The following ATP8B2 variants were observed in gnomAD, a reference collection of about 807,000 sequenced individuals.
The protein encoded by ATP8B2 is phospholipid-transporting ATPase ID.
Under a neutral mutation model 133.4 loss-of-function variants are expected in ATP8B2, and 70 were observed. The ratio of observed to expected loss-of-function variants is 0.52; its 90% CI spans 0.43 to 0.64. The LOEUF (loss-of-function observed/expected upper bound fraction) is 0.64. Ranked by LOEUF, ATP8B2 falls within the 30% of genes least tolerant of loss-of-function variation. ATP8B2 has a pLI of 0.00. For synonymous variants in ATP8B2, 517 were observed against 589.5 expected, an observed-to-expected ratio of 0.88 and a Z score of 1.78; for missense variants, 1,101 against 1,535.7, an observed-to-expected ratio of 0.72 and a Z score of 4.73.
intron 12 of ATP8B2, among the ~76,000 whole-genome samples, chr1:154,339,994 C>T (rs1188145309): frequency 6.6e-6 from 1 of 152,070 alleles, no homozygotes; most frequent in African/African-American, 2.4e-5. Flanking sequence ...CCAGTGTGGG[C>T]AACACAGCGA....
At chr1:154,326,027 C>T (rs1685779065) in intron 1 of ATP8B2, among the ~76,000 whole-genome samples, 1 of 152,058 alleles carries the variant, frequency 6.6e-6, no homozygotes, top group Non-Finnish European at 1.5e-5. Flanking sequence ...CAGGGGAGAC[C>T]CGCCCAGAGA....
rs748296940 is a variant in ATP8B2 at position 154,348,886 on chromosome 1, G to A, written c.3341G>A (p.Arg1114His). The change falls in exon 28 of 28, where the codon CGC becomes CAC. Residue 1114 changes from arginine to histidine, a missense_variant. By Grantham distance (29) the Arg-to-His change is conservative. Coordinates refer to ENST00000368489, the MANE Select transcript of ATP8B2 (RefSeq NM_001370597.1). ...LVRKKQKAQHRCMRRVGRTGS... is the reference protein window; with the variant it reads ...LVRKKQKAQHHCMRRVGRTGS... ...AGGAAGAAGCAGAAGGCCCAGCACCGCTGCATGCGGCGGGTTGGCCGCACT... is the reference window on the plus strand; with the variant it reads ...AGGAAGAAGCAGAAGGCCCAGCACCACTGCATGCGGCGGGTTGGCCGCACT... 3.9e-5 allele frequency: 63 copies of A among 1,613,256 alleles called. No individual in the cohort carries two copies. In the Admixed American group the frequency reaches 8.0e-4, roughly 21 times the overall value.
chr1:154,334,171 G>A lies in ATP8B2; in HGVS notation c.654G>A (p.Lys218=), dbSNP rs1056838477. 6.2e-7 allele frequency: 1 copy of A among 1,614,196 alleles called. No individual in the cohort carries two copies. Among genetic ancestry groups the A allele is most frequent in the African/African-American group, 1.3e-5 (1 of 75,046 alleles). Residue 218 remains lysine (K), a synonymous_variant, in exon 10 of 28, where the codon AAG becomes AAA. Transcript: ENST00000368489. The surrounding 1 kb of genome is among the most constrained non-coding windows in gnomAD (Gnocchi z 4.6). ...AATTCAGCGGAACCCTCTACTGGAAGGAAAATAAGTTCCCTCTGAGCAACC... is the reference window on the plus strand; with the variant it reads ...AATTCAGCGGAACCCTCTACTGGAAAGAAAATAAGTTCCCTCTGAGCAACC... The part of the protein sequence containing the change: ...LDKFSGTLYW[K]ENKFPLSNQN...
chr1:154,339,794 G>A (rs190459252), intron 12 of ATP8B2, among the ~76,000 whole-genome samples: 75 of 152,290 alleles, frequency 4.9e-4, no homozygotes, highest in Non-Finnish European at 8.7e-4. Flanking sequence ...CCCATTGCTC[G>A]GCTGCACTGG....
intron 26 of ATP8B2, 49 bp from the exon 27 acceptor site, chr1:154,348,359 A>T: frequency 1.3e-6 from 2 of 1,559,262 alleles, no homozygotes; most frequent in East Asian, 4.6e-5. Flanking sequence ...GGGAACGGGG[A>T]ATGTCTGCCT....
intron 13 of ATP8B2, among the ~76,000 whole-genome samples, chr1:154,341,949 C>CT (rs1468564519): frequency 6.6e-6 from 1 of 152,150 alleles, no homozygotes; most frequent in Non-Finnish European, 1.5e-5. Flanking sequence ...CTGCTAGACT[C>CT]TCCCCTGTTG....
In ATP8B2 at chr1:154,331,181, C is replaced by T. The variant is rs937648033; in HGVS notation, c.303+35C>T. The T allele has an allele frequency of 2.3e-5, 37 of 1,579,614 alleles. No homozygotes were observed. Among genetic ancestry groups the T allele is most frequent in the Non-Finnish European group, 3.0e-5 (35 of 1,150,640 alleles). On this transcript the variant is annotated intron_variant, in intron 5 of 27. Coordinates refer to ENST00000368489, the MANE Select transcript of ATP8B2 (RefSeq NM_001370597.1). This position sits in a 1 kb window ranked among gnomAD's most constrained non-coding sequence, Gnocchi z 4.8. ...TTTCATTCTTCTATTTTGTCCCAGT[C>T]ACCCACCCCTACTCCCAGCCCCACC...
At chr1:154,348,092 A>G (rs953081440) in intron 26 of ATP8B2, among the ~76,000 whole-genome samples, 2 of 152,178 alleles carry the variant, frequency 1.3e-5, no homozygotes, top group African/African-American at 4.8e-5. Context: ...AGTTGGAGCA[A>G]CTGAATGGGT....
intron 3 of ATP8B2, 161 bp downstream of exon 3, chr1:154,330,615 A>T: frequency 1.2e-6 from 1 of 810,092 alleles, no homozygotes; most frequent in Non-Finnish European, 2.0e-6. Context: ...TGAATTTTTC[A>T]TGCCTTCACC....
intron 14 of ATP8B2, 91 bp from the exon 15 acceptor site, chr1:154,342,705 C>T (rs1686427783): frequency 2.0e-6 from 3 of 1,512,184 alleles, no homozygotes; most frequent in Non-Finnish European, 2.7e-6. Flanking sequence ...GGACAGGAGC[C>T]TACTGAGAGT....
At position 154,344,330 on chromosome 1, in the gene ATP8B2, C is replaced by G. The variant is rs949555094; in HGVS notation, c.2036-65C>G. 6.2e-7 allele frequency: 1 copy of G among 1,613,998 alleles called. No homozygotes were observed. The highest frequency in any genetic ancestry group is 1.3e-5 in the African/African-American group (1 of 74,942). ...GACCCTTGCATGGAGCCGAGGACAT[C>G]AGGCAGGCAAGTGTGCTGACCTTGT... On this transcript the variant is annotated intron_variant, in intron 19 of 27. Transcript: ENST00000368489. The surrounding 1 kb of genome is among the most constrained non-coding windows in gnomAD (Gnocchi z 4.1).
At chr1:154,336,604 C>G (rs1474711439) in intron 11 of ATP8B2, among the ~76,000 whole-genome samples, 2 of 151,316 alleles carry the variant, frequency 1.3e-5, no homozygotes, top group Non-Finnish European at 2.9e-5. Flanking sequence ...TCTCCTGCCT[C>G]AGCCTCCCTA....
rs1046313566 is a variant in ATP8B2 at position 154,325,597 on chromosome 1, G to C, written c.-143G>C. ...GCCCCGGGGGAGCGGGGCCGCAGCTGGGGGGGCGGGAGCCCGTGGGGAGCC... is the reference window on the plus strand; with the variant it reads ...GCCCCGGGGGAGCGGGGCCGCAGCTCGGGGGGCGGGAGCCCGTGGGGAGCC... On this transcript the variant is annotated 5_prime_UTR_variant, in exon 1 of 28. Transcript: ENST00000368489. The C allele has an allele frequency of 6.6e-6, 1 of 152,048 alleles. No homozygotes were observed. Among genetic ancestry groups the C allele is most frequent in the African/African-American group, 2.4e-5 (1 of 41,504 alleles). 9.4% of individuals were successfully genotyped at this position (152,048 alleles called of 1,614,324 possible).
At chr1:154,342,562 C>G (rs756340424) in intron 14 of ATP8B2, 39 bp downstream of exon 14, 74 of 1,595,808 alleles carry the variant, frequency 4.6e-5, no homozygotes, top group Non-Finnish European at 5.8e-5. Context: ...GCCAGTGAAA[C>G]AGGGTGCCTG....
chr1:154,344,770 A>T lies in ATP8B2; in HGVS notation c.2271A>T (p.Ile757=). The T allele has an allele frequency of 6.2e-7, 1 of 1,601,766 alleles. No individual in the cohort carries two copies. The highest frequency in any genetic ancestry group is 8.5e-7 in the Non-Finnish European group (1 of 1,169,876). ...TTGCTGGGGAGTACGCCCTGGTCAT[A>T]AATGGTCACAGCCTGGTAGGCATCG... The part of the protein sequence containing the change: ...EAVAGEYALV[I]NGHSLAHALE... Residue 757 remains isoleucine, a synonymous_variant, in exon 21 of 28, where the codon ATA becomes ATT. Coordinates refer to ENST00000368489, the MANE Select transcript of ATP8B2 (RefSeq NM_001370597.1). This position sits in a 1 kb window ranked among gnomAD's most constrained non-coding sequence, Gnocchi z 4.1.
Position 154,345,586 on chromosome 1 carries a change from A to T in ATP8B2, c.2694+41A>T, listed in dbSNP as rs1686554610. On this transcript the variant is annotated intron_variant, in intron 23 of 27. Coordinates refer to ENST00000368489, the MANE Select transcript of ATP8B2 (RefSeq NM_001370597.1). The surrounding 1 kb of genome is among the most constrained non-coding windows in gnomAD (Gnocchi z 5.6). ...AGTCCACTGTTGTGCAAATCTGTAA[A>T]CCTGAGGGCAGAGGTTCTGTCTTGT... 1.3e-6 allele frequency: 2 copies of T among 1,540,980 alleles called. No homozygotes were observed. Among genetic ancestry groups the T allele is most frequent in the Non-Finnish European group, 8.9e-7 (1 of 1,122,202 alleles).
chr1:154,327,406 T>C (rs1368314371), intron 1 of ATP8B2, among the ~76,000 whole-genome samples: 1 of 132,332 alleles, frequency 7.6e-6, no homozygotes, highest in Non-Finnish European at 1.6e-5. Flanking sequence ...CCCTGTGCCA[T>C]ACTGACTGGA....
At chr1:154,327,756 A>C (rs760664837) in intron 1 of ATP8B2, 16 of 1,578,286 alleles carry the variant, frequency 1.0e-5, no homozygotes, top group Non-Finnish European at 1.4e-5. Flanking sequence ...CACAAGCACT[A>C]CTCATTGCCG....
chr1:154,349,285 C>CACACA lies in ATP8B2; in HGVS notation c.*167_*168insACACA. ...ACATGGCTGGGACATCTGTTCCCAGCTGTAGGCCCTTCCACCAGCTGGGGA... is the reference window on the plus strand; with the variant it reads ...ACATGGCTGGGACATCTGTTCCCAGCACACATGTAGGCCCTTCCACCAGCTGGGGA... On this transcript the variant is annotated 3_prime_UTR_variant, in exon 28 of 28. Coordinates refer to ENST00000368489, the MANE Select transcript of ATP8B2 (RefSeq NM_001370597.1). 1 of 952,660 alleles carries CACACA rather than the reference C, an allele frequency of 1.0e-6. No individual in the cohort carries two copies. The highest frequency in any genetic ancestry group is 1.5e-6 in the Non-Finnish European group (1 of 655,898). The allele number at this position is 952,660 out of a possible 1,614,324, so 59.0% of individuals were successfully genotyped here.
Sources: gnomAD v4.1 joint callset for allele counts (sites outside exome capture counted in the v4.1 genomes callset) on GRCh38, gnomAD v4.1.1 for gene constraint, Gnocchi (gnomAD v3.1) non-coding constraint, MANE v1.5 for transcripts, NCBI Gene and HGNC (gene_info 2026-07-23, HGNC 2026-07-21) for gene names.